Variants in CERS3 observed in about 807,000 individuals in gnomAD.
The protein encoded by CERS3 is ceramide synthase 3, also known as LAG1 homolog, ceramide synthase 3.
CERS3 carries 33 observed loss-of-function variants against 50.3 expected under a neutral mutation model. The ratio of observed to expected loss-of-function variants is 0.66; its 90% confidence interval spans 0.50 to 0.88. The LOEUF is 0.88. Ranked by LOEUF, CERS3 falls within the 40% of genes least tolerant of loss-of-function variation. The pLI, the probability that CERS3 is intolerant of heterozygous loss-of-function variation, is 0.00. For missense variants in CERS3, 470 were observed against 460.3 expected, an observed-to-expected ratio of 1.02 and a Z score of -0.19; for synonymous variants, 176 against 155.2, an observed-to-expected ratio of 1.13 and a Z score of -0.99.
intron 11 of CERS3, among the ~76,000 whole-genome samples, chr15:100,439,264 A>G (rs892181685): frequency 2.0e-5 from 3 of 152,224 alleles, no homozygotes; most frequent in Non-Finnish European, 2.9e-5. Flanking sequence ...ATAAGATGTG[A>G]CTATTACCAA....
At chr15:100,532,729 A>C (rs968373434), upstream of CERS3, among the ~76,000 whole-genome samples, 47 of 152,210 alleles carry the variant, frequency 3.1e-4, 2 homozygotes. Flanking sequence ...AATACACTCC[A>C]GACTGGGCGA....
intron 11 of CERS3, among the ~76,000 whole-genome samples, chr15:100,427,838 G>T (rs549475831): frequency 5.9e-5 from 9 of 152,194 alleles, no homozygotes; most frequent in Non-Finnish European, 8.8e-5. Context: ...GCTTCCTGCC[G>T]AGAGACAGGT....
chr15:100,426,575 G>A (rs529322156), intron 11 of CERS3, among the ~76,000 whole-genome samples: 3 of 152,292 alleles, frequency 2.0e-5, no homozygotes, highest in East Asian at 1.9e-4. Context: ...CTGGGTTCTC[G>A]TAGGTGATCT....
intron 1 of CERS3, among the ~76,000 whole-genome samples, chr15:100,543,608 T>C (rs1596843274): frequency 6.6e-6 from 1 of 151,172 alleles, no homozygotes; most frequent in African/African-American, 2.4e-5. Context: ...CGGCTCACTG[T>C]CACCTCTGCC....
chr15:100,543,805 CA>C (rs2037264196), intron 1 of CERS3, among the ~76,000 whole-genome samples: 1 of 152,220 alleles, frequency 6.6e-6, no homozygotes, highest in African/African-American at 2.4e-5. Context: ...GCTGGGATTA[CA>C]GGCGTGTGCC....
chr15:100,419,074 C>T (rs200284053), intron 11 of CERS3, among the ~76,000 whole-genome samples: 1 of 85,780 alleles, frequency 1.2e-5, no homozygotes, highest in African/African-American at 3.7e-5. Flanking sequence ...CAAATTCACA[C>T]ATAACAATAC....
chr15:100,458,127 G>C (rs969293831), intron 10 of CERS3, among the ~76,000 whole-genome samples: 1 of 152,188 alleles, frequency 6.6e-6, no homozygotes, highest in Non-Finnish European at 1.5e-5. Context: ...TATGAAAGAA[G>C]AGTTTCACTG....
chr15:100,528,039 G>A (rs576774649), intron 1 of CERS3, among the ~76,000 whole-genome samples: 2 of 152,152 alleles, frequency 1.3e-5, no homozygotes, highest in Admixed American at 1.3e-4. Context: ...GTGGGTTAAT[G>A]AATAAATTAA....
At chr15:100,446,554 T>A (rs563196298) in intron 11 of CERS3, among the ~76,000 whole-genome samples, 62 of 152,050 alleles carry the variant, frequency 4.1e-4, no homozygotes, top group African/African-American at 1.4e-3. Flanking sequence ...AATCAAAGAG[T>A]TGATTAAAAA....
chr15:100,491,073 T>C (rs947963163), intron 3 of CERS3, 142 bp from the exon 4 acceptor site: 2 of 564,416 alleles, frequency 3.5e-6, no homozygotes, highest in Non-Finnish European at 6.2e-6. Flanking sequence ...ACAGCCAAAA[T>C]CTGTCTCTCA....
intron 3 of CERS3, among the ~76,000 whole-genome samples, chr15:100,501,414 C>T (rs533387397): frequency 2.0e-5 from 3 of 152,240 alleles, no homozygotes; most frequent in South Asian, 4.2e-4. Flanking sequence ...CTCTGTGGTC[C>T]GCAACCTCTC....
chr15:100,417,911 C>T (rs1180975848), intron 11 of CERS3, among the ~76,000 whole-genome samples: 4 of 152,076 alleles, frequency 2.6e-5, no homozygotes, highest in Non-Finnish European at 2.9e-5. Flanking sequence ...AAAGGACATC[C>T]ACACCGAAAA....
chr15:100,432,221 C>A (rs957630076), intron 11 of CERS3, among the ~76,000 whole-genome samples: 1 of 152,120 alleles, frequency 6.6e-6, no homozygotes, highest in Non-Finnish European at 1.5e-5. Flanking sequence ...ATATGTACCA[C>A]CACTCCTGGC....
intron 11 of CERS3, among the ~76,000 whole-genome samples, chr15:100,446,161 A>C (rs2033930090): frequency 1.3e-5 from 2 of 152,194 alleles, no homozygotes; most frequent in Non-Finnish European, 2.9e-5. Context: ...TGTTGCTCAC[A>C]CAAAGCCTGT....
chr15:100,479,989 A>G lies in CERS3; in HGVS notation c.465T>C (p.Asp155=). Residue 155 remains aspartate (D), a splice_region_variant and synonymous_variant, in exon 6 of 12, where the codon GAT becomes GAC. Coordinates refer to ENST00000679737, the MANE Select transcript of CERS3 (RefSeq NM_001378789.1). ...ITVAGIAFLY[D]KPWLYDLWEV... ...TCGAAGATATAAAAAGATAACTTAC[A>G]TCATAAAGAAACGCAATTCCAGCAA... is the stretch of plus-strand genomic sequence containing the variant. 3 of 1,603,536 alleles carry G rather than the reference A, an allele frequency of 1.9e-6. No homozygotes were observed. The highest frequency in any genetic ancestry group is 1.1e-5 in the South Asian group (1 of 88,552).
chr15:100,420,262 C>T (rs1204307448), intron 11 of CERS3, among the ~76,000 whole-genome samples: 1 of 147,322 alleles, frequency 6.8e-6, no homozygotes, highest in Admixed American at 6.8e-5. Flanking sequence ...ACCACCGATC[C>T]CACAGAAATA....
rs568157091 is a variant in CERS3, at chr15:100,465,129, A to G, written c.845+4249T>C. Among the ~76,000 whole-genome samples, 30 of 152,218 alleles carry G rather than the reference A, an allele frequency of 2.0e-4. No individual in the cohort carries two copies. In the South Asian group the frequency reaches 5.6e-3, roughly 28 times the overall value. Reference sequence around the variant, plus strand: ...GCTTTCGCCCCGCCCTACCGTGTATATCACCACAGGATGTGCAACAAAAGC... The same window carrying G: ...GCTTTCGCCCCGCCCTACCGTGTATGTCACCACAGGATGTGCAACAAAAGC... On this transcript the variant is annotated intron_variant, in intron 10 of 11. Coordinates refer to ENST00000679737, the MANE Select transcript of CERS3 (RefSeq NM_001378789.1).
chr15:100,528,504 A>C (rs1357906915), intron 1 of CERS3, among the ~76,000 whole-genome samples: 1 of 151,886 alleles, frequency 6.6e-6, no homozygotes, highest in African/African-American at 2.4e-5. Flanking sequence ...ATCAGTTTAA[A>C]CTCGCCCGAG....
intron 10 of CERS3, among the ~76,000 whole-genome samples, chr15:100,467,852 TAGATAGATAGATAGATAGATAG>T (rs2034825741): frequency 7.9e-6 from 1 of 126,406 alleles, no homozygotes; most frequent in Admixed American, 8.4e-5. Flanking sequence ...TATATATATA[TAGATAGATAGATAGATAGATAG>T]ATAGATATAG....
Sources: allele counts gnomAD v4.1 joint callset (sites outside exome capture counted in the v4.1 genomes callset), GRCh38; gene constraint gnomAD v4.1.1; transcripts MANE v1.5; gene names NCBI Gene and HGNC (gene_info 2026-07-23, HGNC 2026-07-21).